Variants in DLG2 observed in about 807,000 individuals in gnomAD.
DLG2 encodes the protein disks large homolog 2.
In DLG2, 45 loss-of-function variants were observed where a neutral mutation model predicts 132.5. The observed-to-expected ratio is 0.34, with a 90% CI of 0.27 to 0.44. DLG2 has a LOEUF of 0.44. DLG2 is among the 20% of genes least tolerant of loss of function. DLG2 has a pLI of 1.00. For missense variants in DLG2, 1,045 were observed against 1,196.9 expected (o/e 0.87, Z 1.87); for synonymous variants, 424 against 419.6 (o/e 1.01, Z -0.13).
intron 6 of DLG2, among the ~76,000 whole-genome samples, chr11:84,916,072 G>A (rs1046945023): frequency 3.3e-5 from 5 of 152,062 alleles, no homozygotes; most frequent in African/African-American, 4.8e-5. Flanking sequence ...CAGGCCGGGC[G>A]CGGTGGCTCA....
chr11:85,211,112 T>C (rs1194958498), intron 4 of DLG2, among the ~76,000 whole-genome samples: 1 of 152,136 alleles, frequency 6.6e-6, no homozygotes, highest in Admixed American at 6.6e-5. Flanking sequence ...GTCTGTTTTA[T>C]TAACTACTAG....
At chr11:84,831,802 T>C (rs555868259) in intron 6 of DLG2, among the ~76,000 whole-genome samples, 2 of 151,754 alleles carry the variant, frequency 1.3e-5, no homozygotes, top group East Asian at 3.9e-4. Flanking sequence ...AGTTTAACTA[T>C]TTTAAAATAA....
At chr11:83,478,609 G>C (rs1301747902) in intron 22 of DLG2, among the ~76,000 whole-genome samples, 1 of 152,012 alleles carries the variant, frequency 6.6e-6, no homozygotes, top group Non-Finnish European at 1.5e-5. Flanking sequence ...CTCTGAAACA[G>C]AGAAGAGAAG....
At chr11:84,694,575 C>T (rs751587130) in intron 6 of DLG2, among the ~76,000 whole-genome samples, 6 of 151,318 alleles carry the variant, frequency 4.0e-5, no homozygotes, top group South Asian at 2.1e-4. Context: ...TTCTCTCTGT[C>T]GACCTACGAC....
rs1310173967 is a variant in DLG2 at position 85,554,817 on chromosome 11, A to AT, written c.40+43839dup. Among the ~76,000 whole-genome samples, 8 of 151,336 alleles carry AT rather than the reference A, an allele frequency of 5.3e-5. No individual in the cohort carries two copies. In the South Asian group the frequency reaches 1.5e-3, roughly 28 times the overall value. ...TTAGAACCTAAGGTTGGTCTTTGAG[A>AT]TTTTTTTTCGGACTTTTGCATCCTG... is the stretch of plus-strand genomic sequence containing the variant. On this transcript the variant is annotated intron_variant, in intron 3 of 27. Transcript: ENST00000376104.
chr11:85,146,600 A>T (rs1351285582), intron 5 of DLG2, among the ~76,000 whole-genome samples: 1 of 152,052 alleles, frequency 6.6e-6, no homozygotes, highest in African/African-American at 2.4e-5. Context: ...CTGAGCTGGT[A>T]CCCAGGTTGC....
At chr11:84,624,828 TGAGAGTTACCTCTCAGAAGA>T (rs1358604669) in intron 6 of DLG2, among the ~76,000 whole-genome samples, 43 of 146,668 alleles carry the variant, frequency 2.9e-4, no homozygotes, top group Non-Finnish European at 5.2e-4. Context: ...GACTCTCTTC[TGAGAGTTACCTCTCAGAAGA>T]GAGTCAACCT....
chr11:84,844,368 A>G lies in DLG2; in HGVS notation c.357+267293T>C, dbSNP rs1169431678. 7.3e-5 allele frequency among the ~76,000 whole-genome samples: 11 copies of G among 151,700 alleles called. No individual in the cohort carries two copies. The East Asian group carries it at 1.8e-3, about 24-fold the overall frequency. Reference sequence around the variant, plus strand: ...AGCACAGAATACATACAAAATGGGTATATCTGTTATGATTAGTATTGGTAA... The same window carrying G: ...AGCACAGAATACATACAAAATGGGTGTATCTGTTATGATTAGTATTGGTAA... On this transcript the variant is annotated intron_variant, in intron 6 of 27. Transcript: ENST00000376104.
intron 6 of DLG2, among the ~76,000 whole-genome samples, chr11:85,081,653 G>A (rs544746567): frequency 6.6e-6 from 1 of 152,292 alleles, no homozygotes; most frequent in African/African-American, 2.4e-5. Context: ...GCAGTAGACT[G>A]CCCAAGGTCC....
chr11:83,754,533 G>A (rs2093570182), intron 18 of DLG2, among the ~76,000 whole-genome samples: 1 of 151,312 alleles, frequency 6.6e-6, no homozygotes, highest in Non-Finnish European at 1.5e-5. Flanking sequence ...GCATCAAGAA[G>A]GTAGAGGTCT....
At chr11:84,284,631 C>A (rs188740183) in intron 7 of DLG2, among the ~76,000 whole-genome samples, 4 of 152,176 alleles carry the variant, frequency 2.6e-5, no homozygotes, top group African/African-American at 7.2e-5. Context: ...AAACTTCAGA[C>A]CAGAGTCAAG....
chr11:84,502,849 A>G (rs2099225284), intron 7 of DLG2, among the ~76,000 whole-genome samples: 1 of 152,204 alleles, frequency 6.6e-6, no homozygotes, highest in African/African-American at 2.4e-5. Flanking sequence ...GAAAAAGAAA[A>G]CAAAAATCAA....
chr11:85,540,417 T>C (rs2075888956), intron 3 of DLG2, among the ~76,000 whole-genome samples: 1 of 152,090 alleles, frequency 6.6e-6, no homozygotes, highest in Non-Finnish European at 1.5e-5. Context: ...CATGTGGAAT[T>C]TGGTCAGTAG....
chr11:84,423,606 A>G (rs1021869746), intron 7 of DLG2, among the ~76,000 whole-genome samples: 7 of 152,200 alleles, frequency 4.6e-5, no homozygotes, highest in Admixed American at 6.5e-5. Context: ...AATGTTGAGT[A>G]CTGAATAGGC....
chr11:84,157,875 GC>G (rs1347096926), intron 9 of DLG2, among the ~76,000 whole-genome samples: 1 of 152,176 alleles, frequency 6.6e-6, no homozygotes, highest in Non-Finnish European at 1.5e-5. Flanking sequence ...TTTAAACAAT[GC>G]TACTGTAGAG....
intron 6 of DLG2, among the ~76,000 whole-genome samples, chr11:84,557,867 C>T (rs1379580077): frequency 2.0e-5 from 3 of 152,048 alleles, no homozygotes; most frequent in African/African-American, 7.2e-5. Context: ...ATATCTGTTC[C>T]GTGCTTTCTC....
At chr11:84,261,914 T>C (rs963611652) in intron 7 of DLG2, among the ~76,000 whole-genome samples, 1 of 152,186 alleles carries the variant, frequency 6.6e-6, no homozygotes, top group Non-Finnish European at 1.5e-5. Flanking sequence ...TGAGCTCTTA[T>C]ACCACACTGC....
At chr11:85,423,924 C>T (rs908239592) in intron 3 of DLG2, among the ~76,000 whole-genome samples, 6 of 152,170 alleles carry the variant, frequency 3.9e-5, no homozygotes, top group African/African-American at 1.4e-4. Flanking sequence ...GATTCATGCC[C>T]TCCCCCAGGT....
intron 3 of DLG2, 117 bp from the exon 4 acceptor site, chr11:85,285,482 AATAT>A: frequency 1.2e-6 from 1 of 869,190 alleles, no homozygotes; most frequent in Non-Finnish European, 1.7e-6. Flanking sequence ...GAACTGCATA[AATAT>A]ATATCCCAAA....
Sources: allele counts gnomAD v4.1 joint callset (sites outside exome capture counted in the v4.1 genomes callset), GRCh38; gene constraint gnomAD v4.1.1; transcripts MANE v1.5; gene names NCBI Gene and HGNC (gene_info 2026-07-23, HGNC 2026-07-21).